Variants in ZNF518B observed in about 807,000 individuals in gnomAD.
ZNF518B encodes the protein zinc finger protein 518B.
In ZNF518B, 23 loss-of-function variants were observed where a neutral mutation model predicts 56.3. The observed-to-expected ratio is 0.41, with a 90% CI of 0.29 to 0.58. ZNF518B has a LOEUF of 0.58. ZNF518B is among the 20% of genes least tolerant of loss of function. ZNF518B has a pLI of 0.32. For synonymous variants in ZNF518B, 529 were observed against 465.9 expected (o/e 1.14, Z -1.74); for missense variants, 1,460 against 1,272.1 (o/e 1.15, Z -2.25).
At chr4:10,451,833 A>T (rs1464718790) in intron 2 of ZNF518B, 2 of 152,266 alleles carry the variant, frequency 1.3e-5, no homozygotes, top group Non-Finnish European at 2.9e-5. Context: ...TAAACTAGTT[A>T]CGAAACTACC....
intron 2 of ZNF518B, chr4:10,453,390 C>G (rs1715403947): frequency 6.6e-6 from 1 of 152,160 alleles, no homozygotes; most frequent in African/African-American, 2.4e-5. Flanking sequence ...GGGTCTTCTC[C>G]CCACCCTGTC....
rs1209768848 is a variant in ZNF518B at position 10,444,176 on chromosome 4, C to A, written c.2153G>T (p.Gly718Val). ...QEINVSLTGL[G>V]HSTGTLQKPP... ...TTTCTGAAGAGTACCTGTGGAATGG[C>A]CAAGACCAGTGAGTGACACGTTGAT... The change falls in exon 3 of 3, where the codon GGC becomes GTC. Residue 718 changes from glycine (G) to valine (V), a missense_variant. Physicochemically the swap from Gly to Val is moderately radical, Grantham distance 109. Coordinates refer to ENST00000326756, the MANE Select transcript of ZNF518B (RefSeq NM_053042.3). 1.2e-6 allele frequency: 2 copies of A among 1,614,042 alleles called. No homozygotes were observed. The highest frequency in any genetic ancestry group is 1.7e-5 in the Admixed American group (1 of 59,990).
At position 10,456,635 on chromosome 4, in the gene ZNF518B, G is replaced by C. The variant is rs141037145; in HGVS notation, c.-396+682C>G. Among the ~76,000 whole-genome samples, 3 of 152,322 alleles carry C rather than the reference G, an allele frequency of 2.0e-5. No individual in the cohort carries two copies. The East Asian group carries it at 5.8e-4, about 29-fold the overall frequency. Reference sequence around the variant, plus strand: ...TCCCCCGATGGCAGGCAGCATCCGAGGCGAGCGCGCCTGAGCCTGGGCGCT... The same window carrying C: ...TCCCCCGATGGCAGGCAGCATCCGACGCGAGCGCGCCTGAGCCTGGGCGCT... On this transcript the variant is annotated intron_variant, in intron 1 of 2. Coordinates refer to ENST00000326756, the MANE Select transcript of ZNF518B (RefSeq NM_053042.3).
rs1055919152 is a variant in ZNF518B, at chr4:10,440,835, G to A, written c.*2269C>T. ...TCAGGAAAAAGCACTATGTGGTGAG[G>A]AATAGGAGATAAAAAAGTGGCAAAC... On this transcript the variant is annotated 3_prime_UTR_variant, in exon 3 of 3. Transcript: ENST00000326756. 1.3e-5 allele frequency: 2 copies of A among 151,774 alleles called. No individual in the cohort carries two copies. The highest frequency in any genetic ancestry group is 2.9e-5 in the Non-Finnish European group (2 of 67,956). The allele number at this position is 151,774 out of a possible 1,614,324, so 9.4% of individuals were successfully genotyped here.
upstream of ZNF518B, among the ~76,000 whole-genome samples, chr4:10,460,476 T>C (rs1715712101): frequency 6.6e-6 from 1 of 152,024 alleles, no homozygotes; most frequent in Non-Finnish European, 1.5e-5. Flanking sequence ...TGACGGGGAC[T>C]TGGGAGATGA....
rs755133893 is a variant in ZNF518B at position 10,443,857 on chromosome 4, C to G, written c.2472G>C (p.Gln824His). Residue 824 changes from glutamine (Q) to histidine (H), a missense_variant, in exon 3 of 3, where the codon CAG becomes CAC. Transcript: ENST00000326756. The stretch of plus-strand genomic sequence containing the variant: ...TTGGCCCCCTTTCACTTCTTAAAGG[C>G]TGTAAGTCTGAGTCCGCCTGTCTCA... ...CPVRQADSDL[Q>H]PLRSERGPID... The G allele has an allele frequency of 1.1e-5, 17 of 1,614,186 alleles. No individual in the cohort carries two copies. In the East Asian group the frequency reaches 2.5e-4, roughly 23 times the overall value.
upstream of ZNF518B, among the ~76,000 whole-genome samples, chr4:10,458,841 C>T (rs1715651348): frequency 1.3e-5 from 2 of 152,166 alleles, no homozygotes; most frequent in Non-Finnish European, 2.9e-5. Context: ...AACAGAGCCA[C>T]ATCAGGAAAA....
Position 10,452,679 on chromosome 4 carries a change from A to G in ZNF518B, c.-212+2126T>C, listed in dbSNP as rs578231482. 6 of 152,354 alleles carry G rather than the reference A, an allele frequency of 3.9e-5. No homozygotes were observed. In the East Asian group the frequency reaches 5.8e-4, roughly 15 times the overall value. 9.4% of individuals were successfully genotyped at this position (152,354 alleles called of 1,614,324 possible). ...GTTTGAAAGCATCTTCTTGGCTTCT[A>G]AACTATGCTCAAAATAATGCAATGT... On this transcript the variant is annotated intron_variant, in intron 2 of 2. Transcript: ENST00000326756.
intron 2 of ZNF518B, chr4:10,452,897 T>C (rs968350376): frequency 4.6e-5 from 7 of 152,206 alleles, no homozygotes; most frequent in Admixed American, 2.0e-4. Context: ...GGATCCTAGA[T>C]TTCCATCTGA....
At chr4:10,455,741 T>A (rs1715498999) in intron 1 of ZNF518B, among the ~76,000 whole-genome samples, 1 of 152,244 alleles carries the variant, frequency 6.6e-6, no homozygotes, top group Non-Finnish European at 1.5e-5. Context: ...TTGCAATGAA[T>A]GTTATCAGCA....
Position 10,441,260 on chromosome 4 carries a change from ATTT to A in ZNF518B, c.*1841_*1843del, listed in dbSNP as rs997056213. The stretch of plus-strand genomic sequence containing the variant: ...CTGCAATTTTCATATGGTAAAAAAT[ATTT>A]TTATGTGTACACATACACATATATA... On this transcript the variant is annotated 3_prime_UTR_variant, in exon 3 of 3. Coordinates refer to ENST00000326756, the MANE Select transcript of ZNF518B (RefSeq NM_053042.3). 2.6e-5 allele frequency: 4 copies of A among 152,596 alleles called. No individual in the cohort carries two copies. The highest frequency in any genetic ancestry group is 5.9e-5 in the Non-Finnish European group (4 of 68,028). 9.5% of individuals were successfully genotyped at this position (152,596 alleles called of 1,614,324 possible).
intron 2 of ZNF518B, chr4:10,453,046 C>CA (rs1327608122): frequency 6.6e-6 from 1 of 152,164 alleles, no homozygotes; most frequent in Non-Finnish European, 1.5e-5. Flanking sequence ...GAACAAGGTT[C>CA]AAAACCTAGG....
chr4:10,451,093 A>G (rs1467918173), intron 2 of ZNF518B: 1 of 152,202 alleles, frequency 6.6e-6, no homozygotes, highest in Non-Finnish European at 1.5e-5. Flanking sequence ...AAGACCTGGA[A>G]ATAGCCCTGA....
chr4:10,456,565 G>A (rs1363028477), intron 1 of ZNF518B, among the ~76,000 whole-genome samples: 1 of 152,152 alleles, frequency 6.6e-6, no homozygotes, highest in Non-Finnish European at 1.5e-5. Context: ...ACCCTCTCAA[G>A]GAAAGACAAT....
chr4:10,445,290 A>G lies in ZNF518B; in HGVS notation c.1039T>C (p.Leu347=), dbSNP rs766312027. Residue 347 remains leucine (L), a synonymous_variant, in exon 3 of 3, where the codon TTG becomes CTG. Transcript: ENST00000326756. Reference sequence around the variant, plus strand: ...CCATTGACAACCTTCACATCTATCAACTGGGCTAAACAGTTTGCAGGGACA... The same window carrying G: ...CCATTGACAACCTTCACATCTATCAGCTGGGCTAAACAGTTTGCAGGGACA... ...LVVPANCLAQ[L]IDVKVVNGTQ... is the part of the protein sequence containing the mutation. 3 of 1,614,070 alleles carry G rather than the reference A, an allele frequency of 1.9e-6. No homozygotes were observed. The highest frequency in any genetic ancestry group is 1.3e-5 in the African/African-American group (1 of 75,068).
chr4:10,445,642 C>A lies in ZNF518B; in HGVS notation c.687G>T (p.Glu229Asp), dbSNP rs761712943. The change falls in exon 3 of 3, where the codon GAG becomes GAT. Residue 229 changes from glutamate to aspartate, a missense_variant. Physicochemically the swap from Glu to Asp is conservative, Grantham distance 45 (BLOSUM62 2). Coordinates refer to ENST00000326756, the MANE Select transcript of ZNF518B (RefSeq NM_053042.3). ...GTTTTGAAGTTCCGGTTCTTTTTGG[C>A]TCCAGCTTGGCAACAGCTTTGACTG... The part of the protein sequence containing the change: ...KRPVKAVAKL[E>D]PKRTGTSKQN... 1.2e-6 allele frequency: 2 copies of A among 1,614,006 alleles called. No homozygotes were observed. Among genetic ancestry groups the A allele is most frequent in the Non-Finnish European group, 1.7e-6 (2 of 1,180,022 alleles).
At position 10,443,847 on chromosome 4, in the gene ZNF518B, T is replaced by C; in HGVS notation, c.2482A>G (p.Ser828Gly). ...QADSDLQPLRSERGPIDMSPN... is the reference protein window; with the variant it reads ...QADSDLQPLRGERGPIDMSPN... ...GACATATCTATTGGCCCCCTTTCACTTCTTAAAGGCTGTAAGTCTGAGTCC... is the reference window on the plus strand; with the variant it reads ...GACATATCTATTGGCCCCCTTTCACCTCTTAAAGGCTGTAAGTCTGAGTCC... The change falls in exon 3 of 3, where the codon AGT (serine) becomes GGT (glycine). Residue 828 changes from serine (S) to glycine (G), a missense_variant. By Grantham distance (56) the Ser-to-Gly change is moderately conservative (BLOSUM62 0). Transcript: ENST00000326756. 1 of 1,614,218 alleles carries C rather than the reference T, an allele frequency of 6.2e-7. No homozygotes were observed. Among genetic ancestry groups the C allele is most frequent in the East Asian group, 2.2e-5 (1 of 44,884 alleles).
intron 2 of ZNF518B, among the ~76,000 whole-genome samples, chr4:10,447,312 G>T (rs1305969940): frequency 1.3e-5 from 2 of 152,180 alleles, no homozygotes; most frequent in Non-Finnish European, 2.9e-5. Context: ...GGGGCTGGGT[G>T]TGGAGGTGAG....
At position 10,446,002 on chromosome 4, in the gene ZNF518B, A is replaced by G. The variant is rs780176262; in HGVS notation, c.327T>C (p.His109=). 1.2e-6 allele frequency: 2 copies of G among 1,614,190 alleles called. No homozygotes were observed. Among genetic ancestry groups the G allele is most frequent in the Admixed American group, 1.7e-5 (1 of 60,028 alleles). Residue 109 remains histidine (H), a synonymous_variant, in exon 3 of 3, where the codon CAT becomes CAC. Transcript: ENST00000326756. ...AGAAGTTTTCAGTTTTATTTCCAACATGAGTCGCACTGGAATTATTGCTCA... is the reference window on the plus strand; with the variant it reads ...AGAAGTTTTCAGTTTTATTTCCAACGTGAGTCGCACTGGAATTATTGCTCA... ...HFVSNNSSAT[H]VGNKTENFSS... is the part of the protein sequence containing the mutation.
Sources: gnomAD v4.1 joint callset for allele counts (sites outside exome capture counted in the v4.1 genomes callset) on GRCh38, gnomAD v4.1.1 for gene constraint, MANE v1.5 for transcripts, NCBI Gene and HGNC (gene_info 2026-07-23, HGNC 2026-07-21) for gene names.